The following STK33 variants were observed in gnomAD, a reference collection of about 807,000 sequenced individuals.
STK33 encodes serine/threonine-protein kinase 33.
A neutral mutation model predicts 58.0 loss-of-function variants in STK33; 52 were observed. The observed-to-expected ratio is 0.90, with a 90% CI of 0.72 to 1.13. The LOEUF (loss-of-function observed/expected upper bound fraction) is 1.13. Among genes scored for constraint, STK33 ranks in the 50% most tolerant of loss-of-function variants. The probability of loss-of-function intolerance (pLI) is 0.00; values close to 1 mark genes in which losing one functional copy is unlikely to be tolerated. For missense variants in STK33, 630 were observed against 604.2 expected (o/e 1.04, Z -0.45); for synonymous variants, 215 against 200.1 (o/e 1.07, Z -0.63).
chr11:8,566,550 G>A (rs952488158), intron 1 of STK33, among the ~76,000 whole-genome samples: 10 of 152,148 alleles, frequency 6.6e-5, no homozygotes, highest in Non-Finnish European at 7.4e-5. Flanking sequence ...CCTTTCCTGT[G>A]CCAGATAGCA....
At chr11:8,568,811 A>G (rs1565385573) in intron 1 of STK33, among the ~76,000 whole-genome samples, 1 of 152,174 alleles carries the variant, frequency 6.6e-6, no homozygotes, top group African/African-American at 2.4e-5. Context: ...TTAATGGATT[A>G]TGTGCTATAT....
At chr11:8,408,004 G>T (rs1056008740) in intron 15 of STK33, among the ~76,000 whole-genome samples, 1 of 151,960 alleles carries the variant, frequency 6.6e-6, no homozygotes, top group African/African-American at 2.4e-5. Context: ...TAGTTCATCA[G>T]AAAAAATGAT....
intron 8 of STK33, 82 bp from the exon 9 acceptor site, chr11:8,457,561 C>G: frequency 8.6e-7 from 1 of 1,169,166 alleles, no homozygotes; most frequent in Non-Finnish European, 1.2e-6. Context: ...CATATACAAT[C>G]ACAGTCATAA....
the STK33 span, among the ~76,000 whole-genome samples, chr11:8,378,567 AACTC>A: frequency 3.3e-5 from 5 of 152,168 alleles, no homozygotes; most frequent in African/African-American, 9.7e-5. Context: ...ATCTCATGAG[AACTC>A]ACTCACCATC....
chr11:8,476,187 G>A (rs7940568), intron 4 of STK33, among the ~76,000 whole-genome samples: 1,904 of 152,102 alleles, frequency 0.013, 41 homozygotes, highest in African/African-American at 0.042. Context: ...CTACATTTCC[G>A]GGCTTCTCTT....
chr11:8,472,043 A>G (rs1420578435), intron 6 of STK33, among the ~76,000 whole-genome samples: 1 of 152,162 alleles, frequency 6.6e-6, no homozygotes, highest in African/African-American at 2.4e-5. Flanking sequence ...CTCACATCTC[A>G]GCACCCCACA....
At chr11:8,421,221 A>G (rs909586906) in intron 14 of STK33, among the ~76,000 whole-genome samples, 25 of 152,220 alleles carry the variant, frequency 1.6e-4, no homozygotes, top group Non-Finnish European at 5.9e-5. Flanking sequence ...TACACACCCC[A>G]AGATGCAGAA....
At chr11:8,376,567 G>A in the STK33 span, among the ~76,000 whole-genome samples, 1 of 151,116 alleles carries the variant, frequency 6.6e-6, no homozygotes, top group African/African-American at 2.4e-5. Flanking sequence ...TTTTTAGATG[G>A]AGTCTCACTC....
the STK33 span, among the ~76,000 whole-genome samples, chr11:8,371,417 C>G: frequency 6.6e-6 from 1 of 152,186 alleles, no homozygotes. Flanking sequence ...GCCCAAGAAG[C>G]TTCAGAGAAA....
intron 14 of STK33, among the ~76,000 whole-genome samples, chr11:8,426,153 T>G (rs1193130299): frequency 6.6e-6 from 1 of 152,184 alleles, no homozygotes; most frequent in Non-Finnish European, 1.5e-5. Flanking sequence ...CAAGGTTTTA[T>G]TGAGTGGAGG....
At chr11:8,492,933 G>A (rs1261170884) in intron 1 of STK33, among the ~76,000 whole-genome samples, 7 of 152,172 alleles carry the variant, frequency 4.6e-5, no homozygotes, top group African/African-American at 1.7e-4. Flanking sequence ...GAATCTCTGG[G>A]ACACATTTAA....
Position 8,475,842 on chromosome 11 carries a change from A to G in STK33, c.-161-776T>C, listed in dbSNP as rs1949216904. 4 of 152,338 alleles carry G rather than the reference A, an allele frequency of 2.6e-5. No homozygotes were observed. The South Asian group carries it at 8.3e-4, about 32-fold the overall frequency. 9.4% of individuals were successfully genotyped at this position (152,338 alleles called of 1,614,324 possible). A position where few individuals can be genotyped will look rare whatever the true frequency, so the allele number is the denominator to read the frequency against. Reference sequence around the variant, plus strand: ...GAGTACATTATTATGGTTTTATGCTATACCATTTCAGACAGTCTTTAAAAG... The same window carrying G: ...GAGTACATTATTATGGTTTTATGCTGTACCATTTCAGACAGTCTTTAAAAG... On this transcript the variant is annotated intron_variant, in intron 4 of 15. Transcript: ENST00000687296.
chr11:8,440,663 T>A lies in STK33; in HGVS notation c.947+15A>T. On this transcript the variant is annotated intron_variant, in intron 12 of 15. Coordinates refer to ENST00000687296, the MANE Select transcript of STK33 (RefSeq NM_001352389.2). ...ATCCACTCATCTTAAAGTGTACATT[T>A]AGCAGGCTACTTACAACATGTACAT... 6.4e-7 allele frequency: 1 copy of A among 1,553,824 alleles called. No individual in the cohort carries two copies.
chr11:8,411,207 G>A (rs774924350), intron 15 of STK33, among the ~76,000 whole-genome samples: 3 of 152,120 alleles, frequency 2.0e-5, no homozygotes, highest in Admixed American at 6.5e-5. Flanking sequence ...AGATGTCCTC[G>A]GCATGTGAGA....
At chr11:8,352,374 G>GT in the STK33 span, among the ~76,000 whole-genome samples, 1 of 152,240 alleles carries the variant, frequency 6.6e-6, no homozygotes, top group South Asian at 2.1e-4. Flanking sequence ...CAGGACTGTG[G>GT]TATTGTCTGG....
At chr11:8,448,061 G>C (rs2136717479) in intron 11 of STK33, among the ~76,000 whole-genome samples, 1 of 152,236 alleles carries the variant, frequency 6.6e-6, no homozygotes, top group South Asian at 2.1e-4. Flanking sequence ...AAATACCTAG[G>C]AATCCAACTT....
chr11:8,455,810 C>CAA (rs1156835375), intron 9 of STK33, among the ~76,000 whole-genome samples: 1,287 of 46,998 alleles, frequency 0.027, 135 homozygotes, highest in African/African-American at 0.044. Context: ...GACTCTGTCT[C>CAA]AAAAAAAAAA....
In STK33 at chr11:8,413,602, T is replaced by C. The variant is rs201296442; in HGVS notation, c.1237A>G (p.Thr413Ala). 6.8e-5 allele frequency: 109 copies of C among 1,614,130 alleles called. 1 individual carries two copies. In the East Asian group the frequency reaches 2.2e-3, roughly 32 times the overall value. Residue 413 changes from threonine to alanine, a missense_variant, in exon 15 of 16, where the codon ACA becomes GCA. Physicochemically the swap from Thr to Ala is moderately conservative, Grantham distance 58. Coordinates refer to ENST00000687296, the MANE Select transcript of STK33 (RefSeq NM_001352389.2). ...NNPESVEENT[T>A]EEKNKPSTEE... ...GTGGACGGCTTATTCTTCTCTTCTG[T>C]TGTGTTTTCCTCAACACTTTCTGGG...
chr11:8,520,466 T>C (rs1953306108), intron 1 of STK33, among the ~76,000 whole-genome samples: 1 of 152,112 alleles, frequency 6.6e-6, no homozygotes, highest in Non-Finnish European at 1.5e-5. Context: ...CCACTCCTAT[T>C]TAACATAGTG....
Sources: allele counts gnomAD v4.1 joint callset (sites outside exome capture counted in the v4.1 genomes callset), GRCh38; gene constraint gnomAD v4.1.1; transcripts MANE v1.5; gene names NCBI Gene and HGNC (gene_info 2026-07-23, HGNC 2026-07-21).